Variants in CRISP1 observed in about 807,000 individuals in gnomAD.
The protein encoded by CRISP1 is cysteine rich secretory protein 1, also known as cysteine-rich secretory protein 1.
In CRISP1, 44 loss-of-function variants were observed where a neutral mutation model predicts 33.1. The observed-to-expected ratio is 1.33, with a 90% CI of 1.05 to 1.71. The LOEUF (loss-of-function observed/expected upper bound fraction) is 1.71, where lower values mean the gene tolerates loss of function less well. Among genes scored for constraint, CRISP1 ranks in the 40% most tolerant of loss-of-function variants. The pLI is 0.00. For missense variants in CRISP1, 390 were observed against 301.2 expected (o/e 1.29, Z -2.18); for synonymous variants, 103 against 98.7 (o/e 1.04, Z -0.26).
At chr6:49,846,390 A>G in intron 5 of CRISP1, 130 bp downstream of exon 5, 1 of 935,390 alleles carries the variant, frequency 1.1e-6, no homozygotes, top group Non-Finnish European at 1.6e-6. Context: ...TCAAATTATA[A>G]GAGGAACTCA....
intron 7 of CRISP1, among the ~76,000 whole-genome samples, chr6:49,836,756 G>A (rs934109297): frequency 6.6e-6 from 1 of 152,128 alleles, no homozygotes; most frequent in African/African-American, 2.4e-5. Context: ...CCAGGAACTT[G>A]GAGAATAACT....
intron 1 of CRISP1, among the ~76,000 whole-genome samples, chr6:49,861,161 C>A (rs1212448142): frequency 1.3e-5 from 2 of 152,068 alleles, no homozygotes; most frequent in Non-Finnish European, 2.9e-5. Flanking sequence ...TCTACCGAAT[C>A]TTCAAAGATG....
At chr6:49,860,884 C>A (rs568746330) in intron 1 of CRISP1, among the ~76,000 whole-genome samples, 19 of 151,740 alleles carry the variant, frequency 1.3e-4, no homozygotes, top group Non-Finnish European at 2.5e-4. Context: ...AAAGAGAAGA[C>A]CCAAATAAAC....
chr6:49,874,884 A>G (rs747178174), intron 1 of CRISP1, among the ~76,000 whole-genome samples: 1 of 152,102 alleles, frequency 6.6e-6, no homozygotes, highest in Non-Finnish European at 1.5e-5. Context: ...AACTCTCAAT[A>G]AACTAGGTAT....
chr6:49,862,984 A>G (rs1771695264), intron 1 of CRISP1, among the ~76,000 whole-genome samples: 1 of 152,196 alleles, frequency 6.6e-6, no homozygotes, highest in South Asian at 2.1e-4. Context: ...TTATGAAGGT[A>G]TCTCTGTTGC....
At chr6:49,851,590 T>C (rs950315916) in intron 3 of CRISP1, among the ~76,000 whole-genome samples, 1 of 152,196 alleles carries the variant, frequency 6.6e-6, no homozygotes, top group Non-Finnish European at 1.5e-5. Context: ...ATGAAATGCA[T>C]GGATAACTTG....
intron 2 of CRISP1, 77 bp from the exon 3 acceptor site, chr6:49,852,206 T>A: frequency 7.6e-7 from 1 of 1,320,434 alleles, no homozygotes; most frequent in Non-Finnish European, 1.0e-6. Context: ...GACCTATAGG[T>A]AATGCAAATT....
chr6:49,842,882 A>G (rs1452496612), intron 5 of CRISP1, among the ~76,000 whole-genome samples: 1 of 152,116 alleles, frequency 6.6e-6, no homozygotes, highest in Non-Finnish European at 1.5e-5. Context: ...AAATGTTTCT[A>G]TATTCTACTG....
At chr6:49,845,019 C>T (rs1364884414) in intron 5 of CRISP1, among the ~76,000 whole-genome samples, 1 of 151,956 alleles carries the variant, frequency 6.6e-6, no homozygotes, top group African/African-American at 2.4e-5. Flanking sequence ...ATCTATTTTG[C>T]ATGTGAGGAA....
At chr6:49,876,509 C>A (rs7762683) in intron 1 of CRISP1, among the ~76,000 whole-genome samples, 14,725 of 151,874 alleles carry the variant, frequency 0.097, 996 homozygotes, top group Non-Finnish European at 0.15. Context: ...CAGAAATACC[C>A]TTTGACCCAG....
At chr6:49,858,421 G>C (rs565824077) in intron 1 of CRISP1, among the ~76,000 whole-genome samples, 1 of 152,190 alleles carries the variant, frequency 6.6e-6, no homozygotes, top group Non-Finnish European at 1.5e-5. Flanking sequence ...CACTTTTAAA[G>C]AGCAAGTTAA....
intron 5 of CRISP1, among the ~76,000 whole-genome samples, chr6:49,845,851 T>G (rs1771148451): frequency 6.6e-6 from 1 of 152,182 alleles, no homozygotes; most frequent in South Asian, 2.1e-4. Flanking sequence ...ATGGATTTAA[T>G]ATATCATGCT....
At chr6:49,867,988 C>T (rs543968626), upstream of CRISP1, among the ~76,000 whole-genome samples, 67 of 152,206 alleles carry the variant, frequency 4.4e-4, no homozygotes, top group African/African-American at 1.6e-3. Flanking sequence ...TGCTAAACTG[C>T]TGTTTATAAA....
chr6:49,859,400 GAAA>G (rs76029848), intron 1 of CRISP1, among the ~76,000 whole-genome samples: 1 of 102,756 alleles, frequency 9.7e-6, no homozygotes, highest in African/African-American at 3.6e-5. Flanking sequence ...AGTGCTGAAA[GAAA>G]AAAAAAAAAA....
At chr6:49,847,367 C>A (rs181321012) in intron 4 of CRISP1, among the ~76,000 whole-genome samples, 1 of 152,136 alleles carries the variant, frequency 6.6e-6, no homozygotes, top group Non-Finnish European at 1.5e-5. Context: ...GTTTACCTCA[C>A]GGTAGTGGAT....
chr6:49,846,602 A>C lies in CRISP1; in HGVS notation c.353T>G (p.Val118Gly). 6.2e-7 allele frequency: 1 copy of C among 1,613,572 alleles called. No homozygotes were observed. ...GAAACTTGTAGACTCACTGTACCAG[A>C]CTCCAATTACACTTGACCATGATAC... ...YPVSWSSVIG[V>G]WYSESTSFKH... The change falls in exon 5 of 8, where the codon GTC becomes GGC. Residue 118 changes from valine to glycine, a missense_variant. Coordinates refer to ENST00000335847, the MANE Select transcript of CRISP1 (RefSeq NM_001131.3).
chr6:49,869,132 T>G (rs958881577), upstream of CRISP1, among the ~76,000 whole-genome samples: 2 of 152,200 alleles, frequency 1.3e-5, no homozygotes, highest in Admixed American at 6.6e-5. Flanking sequence ...AATTCAAGGA[T>G]GGCTTGACTG....
At chr6:49,859,729 A>G (rs1771595887) in intron 1 of CRISP1, among the ~76,000 whole-genome samples, 1 of 152,200 alleles carries the variant, frequency 6.6e-6, no homozygotes, top group Non-Finnish European at 1.5e-5. Flanking sequence ...AAAAATATGC[A>G]AAACAGCCAG....
At chr6:49,864,869 T>C (rs906625088) in intron 1 of CRISP1, among the ~76,000 whole-genome samples, 2 of 152,182 alleles carry the variant, frequency 1.3e-5, no homozygotes, top group Non-Finnish European at 2.9e-5. Context: ...ACTATCTTAG[T>C]TGTAGCTTTT....
Sources: allele counts gnomAD v4.1 joint callset (sites outside exome capture counted in the v4.1 genomes callset), GRCh38; gene constraint gnomAD v4.1.1; transcripts MANE v1.5; gene names NCBI Gene and HGNC (gene_info 2026-07-23, HGNC 2026-07-21).